RPTOR: variants seen among roughly 807,000 people sequenced by gnomAD.
RPTOR encodes the protein regulatory-associated protein of mTOR.
In RPTOR, 21 loss-of-function variants were observed where a neutral mutation model predicts 169.9. The ratio of observed to expected loss-of-function variants is 0.12; its 90% CI spans 0.09 to 0.18. RPTOR has a LOEUF of 0.18. Among genes scored for constraint, RPTOR ranks in the 10% least tolerant of loss-of-function variants. The pLI is 1.00. For missense variants in RPTOR, 1,133 were observed against 1,855.9 expected, an observed-to-expected ratio of 0.61 and a Z score of 7.16; for synonymous variants, 732 against 753.2, an observed-to-expected ratio of 0.97 and a Z score of 0.46.
At position 80,605,113 on chromosome 17, in the gene RPTOR, A is replaced by G. The variant is rs1051608824; in HGVS notation, c.163-20578A>G. Among the ~76,000 whole-genome samples, 33 of 152,288 alleles carry G rather than the reference A, an allele frequency of 2.2e-4. 1 individual carries two copies. The highest frequency in any genetic ancestry group is 7.7e-4 in the African/African-American group (32 of 41,564). ...ATGGCCAAGACGGTTAAGACGATCC[A>G]TGTCCTGTGGGATGGCCCATGTTTC... On this transcript the variant is annotated intron_variant, in intron 1 of 33. Coordinates refer to ENST00000306801, the MANE Select transcript of RPTOR (RefSeq NM_020761.3).
intron 6 of RPTOR, among the ~76,000 whole-genome samples, chr17:80,779,555 G>A (rs916551457): frequency 6.6e-6 from 1 of 152,194 alleles, no homozygotes; most frequent in Non-Finnish European, 1.5e-5. Context: ...ACATTGAGAT[G>A]TGCAATTCCG....
At chr17:80,905,922 G>A (rs906858486) in intron 20 of RPTOR, among the ~76,000 whole-genome samples, 1 of 152,212 alleles carries the variant, frequency 6.6e-6, no homozygotes, top group African/African-American at 2.4e-5. Flanking sequence ...TCTCATATAA[G>A]GCCAGCTGCC....
In RPTOR at chr17:80,911,257, A is replaced by G. The variant is rs903006874; in HGVS notation, c.2520+2328A>G. Among the ~76,000 whole-genome samples the G allele has an allele frequency of 2.6e-5, 4 of 152,046 alleles. No individual in the cohort carries two copies. In the East Asian group the frequency reaches 7.7e-4, roughly 29 times the overall value. On this transcript the variant is annotated intron_variant, in intron 21 of 33. Transcript: ENST00000306801. ...ACTCTGCCACTTCCTTCGTCACCGC[A>G]TCCCTGCAGCGGATTCTGCCACCTC...
At chr17:80,814,223 AG>A (rs1264841918) in intron 7 of RPTOR, among the ~76,000 whole-genome samples, 5 of 152,198 alleles carry the variant, frequency 3.3e-5, no homozygotes, top group African/African-American at 9.7e-5. Context: ...ATTTAAAAAA[AG>A]GGGGGAAAAG....
intron 1 of RPTOR, among the ~76,000 whole-genome samples, chr17:80,550,354 A>C (rs2084329653): frequency 6.6e-6 from 1 of 152,130 alleles, no homozygotes; most frequent in South Asian, 2.1e-4. Flanking sequence ...TTTTCCTCTT[A>C]GGTCACTAGT....
intron 24 of RPTOR, among the ~76,000 whole-genome samples, chr17:80,930,340 A>AAC: frequency 1.9e-5 from 1 of 52,040 alleles, no homozygotes; most frequent in African/African-American, 8.5e-5. Context: ...TCCTCAGCTC[A>AAC]TCCTCAGCTC....
At chr17:80,567,578 T>C (rs1327744492) in intron 1 of RPTOR, among the ~76,000 whole-genome samples, 4 of 151,172 alleles carry the variant, frequency 2.6e-5, no homozygotes, top group African/African-American at 9.7e-5. Flanking sequence ...GATCACGAGG[T>C]CAGGAGTTCA....
At chr17:80,887,620 G>C (rs1398554458) in intron 17 of RPTOR, among the ~76,000 whole-genome samples, 1 of 152,168 alleles carries the variant, frequency 6.6e-6, no homozygotes, top group Non-Finnish European at 1.5e-5. Flanking sequence ...GCTGGGGTTG[G>C]GGAGTAGAAC....
At chr17:80,904,658 CT>C (rs2068518603) in intron 20 of RPTOR, among the ~76,000 whole-genome samples, 2 of 152,190 alleles carry the variant, frequency 1.3e-5, no homozygotes, top group Admixed American at 1.3e-4. Flanking sequence ...CGGTCCCTGA[CT>C]CCCTGCCGGG....
intron 28 of RPTOR, among the ~76,000 whole-genome samples, chr17:80,950,142 C>T (rs1568006178): frequency 6.6e-6 from 1 of 152,216 alleles, no homozygotes; most frequent in Non-Finnish European, 1.5e-5. Context: ...CGGGGTCAGG[C>T]TTCTGGGTCT....
intron 1 of RPTOR, among the ~76,000 whole-genome samples, chr17:80,567,912 T>C (rs1191775749): frequency 3.3e-5 from 5 of 151,738 alleles, no homozygotes; most frequent in African/African-American, 1.2e-4. Context: ...TATTTTTTCT[T>C]TTTTTTTATT....
chr17:80,889,670 G>A (rs1377965815), intron 17 of RPTOR, among the ~76,000 whole-genome samples: 3 of 152,242 alleles, frequency 2.0e-5, no homozygotes, highest in African/African-American at 7.2e-5. Context: ...GCCAGTGCGT[G>A]TGTGTGTTGC....
At chr17:80,553,861 C>A (rs1599543382) in intron 1 of RPTOR, among the ~76,000 whole-genome samples, 1 of 152,080 alleles carries the variant, frequency 6.6e-6, no homozygotes, top group East Asian at 1.9e-4. Flanking sequence ...CCTGCCTCAG[C>A]CTCCTGAGTA....
At chr17:80,685,602 CATATATATAT>C (rs1164461444) in intron 3 of RPTOR, among the ~76,000 whole-genome samples, 22 of 34,526 alleles carry the variant, frequency 6.4e-4, no homozygotes, top group Middle Eastern at 0.024. Context: ...GGGCCATTTC[CATATATATAT>C]ATATATATAT....
At chr17:80,612,280 C>T (rs1171428885) in intron 1 of RPTOR, among the ~76,000 whole-genome samples, 1 of 152,132 alleles carries the variant, frequency 6.6e-6, no homozygotes, top group East Asian at 1.9e-4. Context: ...CAGGTGTGCA[C>T]CACTATGCCT....
In RPTOR at chr17:80,700,703, G is replaced by A. The variant is rs1176510547; in HGVS notation, c.349-7138G>A. Among the ~76,000 whole-genome samples the A allele has an allele frequency of 6.8e-4, 77 of 113,006 alleles. 1 individual carries two copies. The highest frequency in any genetic ancestry group is 2.1e-3 in the East Asian group (8 of 3,816). 74.1% of individuals were successfully genotyped at this position (113,006 alleles called of 152,430 possible). On this transcript the variant is annotated intron_variant, in intron 3 of 33. Transcript: ENST00000306801. ...GGAGGTGGTGGTGATGGTGATGGTGGTGGTGATGGTGGTGGTGGTGGTGGT... is the reference window on the plus strand; with the variant it reads ...GGAGGTGGTGGTGATGGTGATGGTGATGGTGATGGTGGTGGTGGTGGTGGT...
intron 23 of RPTOR, 84 bp downstream of exon 23, chr17:80,923,757 C>A: frequency 7.2e-7 from 1 of 1,398,160 alleles, no homozygotes; most frequent in Non-Finnish European, 9.6e-7. Flanking sequence ...CCTCAGGCTG[C>A]TCACATCACC....
chr17:80,570,831 T>TC (rs1299285742), intron 1 of RPTOR, among the ~76,000 whole-genome samples: 2 of 152,014 alleles, frequency 1.3e-5, no homozygotes, highest in African/African-American at 4.8e-5. Flanking sequence ...AACCTAATTA[T>TC]CCCCCCCAGT....
rs117620031 is a variant in RPTOR, at chr17:80,649,800, T to C, written c.348+5990T>C. 9.5e-3 allele frequency among the ~76,000 whole-genome samples: 1,444 copies of C among 152,328 alleles called. 11 individuals are homozygous for C. The highest frequency in any genetic ancestry group is 0.016 in the Non-Finnish European group (1,093 of 68,016). On this transcript the variant is annotated intron_variant, in intron 3 of 33. Transcript: ENST00000306801. The stretch of plus-strand genomic sequence containing the variant: ...CGTCTTCCCTCCTTTCTAGTGCTTC[T>C]CGCCTGAAAGCTTTTCCACGTGCGT...
Sources: allele counts gnomAD v4.1 joint callset (sites outside exome capture counted in the v4.1 genomes callset), GRCh38; gene constraint gnomAD v4.1.1; transcripts MANE v1.5; gene names NCBI Gene and HGNC (gene_info 2026-07-23, HGNC 2026-07-21).